The following MLKL variants were observed in gnomAD, a reference collection of about 807,000 sequenced individuals.
MLKL encodes the protein mixed lineage kinase domain like pseudokinase, also known as mixed lineage kinase domain-like protein.
In MLKL, 55 loss-of-function variants were observed where a neutral mutation model predicts 56.5. That is an observed-to-expected ratio of 0.97 (90% CI 0.78 to 1.22). MLKL has a LOEUF of 1.22. Ranked by LOEUF, MLKL falls within the 50% of genes most tolerant of loss-of-function variation. MLKL has a pLI of 0.00. For synonymous variants in MLKL, 251 were observed against 208.3 expected (o/e 1.20, Z -1.76); for missense variants, 694 against 573.9 (o/e 1.21, Z -2.14).
In MLKL at chr16:74,691,471, C is replaced by G; in HGVS notation, c.536-8G>C. On this transcript the variant is annotated splice_polypyrimidine_tract_variant and splice_region_variant and intron_variant, in intron 3 of 10. Transcript: ENST00000308807. ...TGCATTTTGGTGGTAAATCTGACCT[C>G]ACCCCCGAGAGGAAAGAAGACAAAA... 6.2e-7 allele frequency: 1 copy of G among 1,607,856 alleles called. No homozygotes were observed. Among genetic ancestry groups the G allele is most frequent in the Non-Finnish European group, 8.5e-7 (1 of 1,178,356 alleles).
chr16:74,690,150 A>C (rs1006966761), intron 4 of MLKL, among the ~76,000 whole-genome samples: 3 of 152,256 alleles, frequency 2.0e-5, no homozygotes, highest in Admixed American at 6.5e-5. Flanking sequence ...CCAAATAACT[A>C]AAACATGTAA....
intron 6 of MLKL, among the ~76,000 whole-genome samples, chr16:74,679,314 G>C (rs1462885099): frequency 2.6e-5 from 4 of 152,192 alleles, no homozygotes; most frequent in Non-Finnish European, 5.9e-5. Flanking sequence ...AGGCATGGCT[G>C]GGTGGCTGGA....
chr16:74,672,316 T>C lies in MLKL; in HGVS notation c.*188A>G, dbSNP rs997842037. 5.6e-6 allele frequency: 3 copies of C among 537,304 alleles called. No individual in the cohort carries two copies. The highest frequency in any genetic ancestry group is 2.9e-5 in the Admixed American group (1 of 34,596). The allele number at this position is 537,304 out of a possible 1,614,324, so 33.3% of individuals were successfully genotyped here. ...AAAGTTACTGTCAGAGGTATGTTTT[T>C]GGAAATATCATTTGGAGTGGGATGT... On this transcript the variant is annotated 3_prime_UTR_variant, in exon 11 of 11. Coordinates refer to ENST00000308807, the MANE Select transcript of MLKL (RefSeq NM_152649.4).
chr16:74,689,276 A>T lies in MLKL; in HGVS notation c.722+2001T>A, dbSNP rs553430492. Among the ~76,000 whole-genome samples the T allele has an allele frequency of 3.3e-5, 5 of 152,056 alleles. No homozygotes were observed. The East Asian group carries it at 9.7e-4, about 29-fold the overall frequency. On this transcript the variant is annotated intron_variant, in intron 4 of 10. Coordinates refer to ENST00000308807, the MANE Select transcript of MLKL (RefSeq NM_152649.4). ...ATTATAGGCTCATGCCACCATGCCC[A>T]GCTAATTTTTGTATTTTTTAGTAGA... is the stretch of plus-strand genomic sequence containing the variant.
chr16:74,697,963 T>C (rs969637529), intron 1 of MLKL, among the ~76,000 whole-genome samples: 1 of 152,086 alleles, frequency 6.6e-6, no homozygotes, highest in Non-Finnish European at 1.5e-5. Context: ...CCCAGCACTT[T>C]GTGAGGCTGA....
intron 2 of MLKL, among the ~76,000 whole-genome samples, chr16:74,693,243 T>C (rs1960783426): frequency 6.6e-6 from 1 of 151,736 alleles, no homozygotes; most frequent in Non-Finnish European, 1.5e-5. Flanking sequence ...TCACTTGAGG[T>C]CAGGAGTTTG....
At chr16:74,678,853 C>T in intron 7 of MLKL, 46 bp downstream of exon 7, 1 of 1,373,948 alleles carries the variant, frequency 7.3e-7, no homozygotes, top group Non-Finnish European at 1.0e-6. Context: ...CTCATAGCAC[C>T]AGTCATGCAG....
At chr16:74,681,771 G>A (rs1959986426) in intron 6 of MLKL, among the ~76,000 whole-genome samples, 1 of 151,780 alleles carries the variant, frequency 6.6e-6, no homozygotes, top group Non-Finnish European at 1.5e-5. Flanking sequence ...TCCAGCCTGG[G>A]CAACAGAGGG....
intron 1 of MLKL, among the ~76,000 whole-genome samples, chr16:74,698,260 G>GT (rs557913880): frequency 3.1e-3 from 446 of 145,194 alleles, no homozygotes; most frequent in South Asian, 7.7e-3. Context: ...AACAAAGTTA[G>GT]TTTTTTTTTT....
chr16:74,688,015 C>CA (rs1555533074), intron 4 of MLKL, among the ~76,000 whole-genome samples: 17 of 152,232 alleles, frequency 1.1e-4, no homozygotes, highest in East Asian at 3.9e-4. Flanking sequence ...TTAGTAGAGA[C>CA]GGGTTTCACC....
chr16:74,688,925 A>T (rs1960498140), intron 4 of MLKL, among the ~76,000 whole-genome samples: 1 of 152,150 alleles, frequency 6.6e-6, no homozygotes, highest in African/African-American at 2.4e-5. Context: ...TATCATGCTA[A>T]GTGAAAGAAG....
At chr16:74,685,320 G>A (rs930711239) in intron 5 of MLKL, among the ~76,000 whole-genome samples, 166 bp downstream of exon 5, 25 of 151,862 alleles carry the variant, frequency 1.6e-4, no homozygotes, top group Middle Eastern at 3.2e-3. Context: ...GAAAGAAGAT[G>A]AGAACATGCA....
chr16:74,684,171 C>G (rs1281633312), intron 5 of MLKL, among the ~76,000 whole-genome samples: 2 of 151,988 alleles, frequency 1.3e-5, no homozygotes, highest in Non-Finnish European at 2.9e-5. Flanking sequence ...TGGTCTCAAA[C>G]TCCTGACCTC....
At chr16:74,682,253 A>G (rs975037075) in intron 6 of MLKL, among the ~76,000 whole-genome samples, 1 of 152,208 alleles carries the variant, frequency 6.6e-6, no homozygotes, top group East Asian at 1.9e-4. Context: ...GTCTCAAAAC[A>G]TAAAATAAAA....
rs1332347333 is a variant in MLKL at position 74,685,469 on chromosome 16, C to A, written c.820+17G>T. ...TAGGCCATCCAAAGCTTGACCAATC[C>A]TAGAAGCATTCCTTACCTGTTTCAT... On this transcript the variant is annotated intron_variant, in intron 5 of 10. Transcript: ENST00000308807. The A allele has an allele frequency of 6.2e-7, 1 of 1,602,316 alleles. No individual in the cohort carries two copies. The highest frequency in any genetic ancestry group is 1.1e-5 in the South Asian group (1 of 90,650).
Position 74,685,598 on chromosome 16 carries a change from G to T in MLKL, c.723-15C>A, listed in dbSNP as rs769756771. Reference sequence around the variant, plus strand: ...GCCTCACTATTCTATAAGGATTAAAGAGAGAAATCAGGATTTCAGAACTGG... The same window carrying T: ...GCCTCACTATTCTATAAGGATTAAATAGAGAAATCAGGATTTCAGAACTGG... On this transcript the variant is annotated splice_polypyrimidine_tract_variant and intron_variant, in intron 4 of 10. Transcript: ENST00000308807. 1.2e-6 allele frequency: 2 copies of T among 1,601,082 alleles called. No homozygotes were observed. Among genetic ancestry groups the T allele is most frequent in the Non-Finnish European group, 1.7e-6 (2 of 1,168,546 alleles).
chr16:74,700,495 A>G lies in MLKL; in HGVS notation c.-45T>C, dbSNP rs1045005004. 1.3e-5 allele frequency: 2 copies of G among 152,392 alleles called. No individual in the cohort carries two copies. The highest frequency in any genetic ancestry group is 4.8e-5 in the African/African-American group (2 of 41,424). 9.4% of individuals were successfully genotyped at this position (152,392 alleles called of 1,614,324 possible). ...GGTGTGCGTCCAATCTGTCCCGTGCACAGTTCCAAAAAGCTCGCTCTTCCA... is the reference window on the plus strand; with the variant it reads ...GGTGTGCGTCCAATCTGTCCCGTGCGCAGTTCCAAAAAGCTCGCTCTTCCA... On this transcript the variant is annotated 5_prime_UTR_variant, in exon 1 of 11. Coordinates refer to ENST00000308807, the MANE Select transcript of MLKL (RefSeq NM_152649.4).
In MLKL at chr16:74,682,719, A is replaced by T; in HGVS notation, c.888T>A (p.Asp296Glu). The change falls in exon 6 of 11, where the codon GAT (aspartate) becomes GAA (glutamate). Residue 296 changes from aspartate (D) to glutamate (E), a missense_variant. Physicochemically the swap from Asp to Glu is conservative, Grantham distance 45. Coordinates refer to ENST00000308807, the MANE Select transcript of MLKL (RefSeq NM_152649.4). ...CELGTLRELL[D>E]REKDLTLGKR... The stretch of plus-strand genomic sequence containing the variant: ...TGCCAAGTGTGAGGTCTTTTTCCCT[A>T]TCCAACAGCTCCCTCAGGGTCCCGA... 6.2e-7 allele frequency: 1 copy of T among 1,613,974 alleles called. No individual in the cohort carries two copies. Among genetic ancestry groups the T allele is most frequent in the Non-Finnish European group, 8.5e-7 (1 of 1,180,002 alleles).
intron 7 of MLKL, chr16:74,678,430 G>A (rs1959739125): frequency 5.8e-6 from 1 of 171,204 alleles, no homozygotes; most frequent in Non-Finnish European, 1.3e-5. Context: ...TTGTGTGGTG[G>A]GCACACAGAA....
Sources: allele counts gnomAD v4.1 joint callset (sites outside exome capture counted in the v4.1 genomes callset), GRCh38; gene constraint gnomAD v4.1.1; transcripts MANE v1.5; gene names NCBI Gene and HGNC (gene_info 2026-07-23, HGNC 2026-07-21).